DPP10: variants seen among roughly 807,000 people sequenced by gnomAD.
DPP10 encodes dipeptidyl peptidase like 10, also known as inactive dipeptidyl peptidase 10.
In DPP10, 33 loss-of-function variants were observed where a neutral mutation model predicts 120.9. The observed-to-expected ratio is 0.27, with a 90% CI of 0.21 to 0.37. DPP10 has a LOEUF of 0.37. Among genes scored for constraint, DPP10 ranks in the 10% least tolerant of loss-of-function variants. DPP10 has a pLI of 1.00. For synonymous variants in DPP10, 337 were observed against 326.1 expected (o/e 1.03, Z -0.36); for missense variants, 816 against 942.8 (o/e 0.87, Z 1.76).
chr2:115,504,421 C>G (rs557016581), intron 4 of DPP10, among the ~76,000 whole-genome samples: 1 of 151,798 alleles, frequency 6.6e-6, no homozygotes, highest in East Asian at 1.9e-4. Flanking sequence ...TCATCTTTTG[C>G]TTGGGCATGT....
intron 1 of DPP10, among the ~76,000 whole-genome samples, chr2:114,553,529 ACAT>A (rs1191273090): frequency 6.6e-6 from 1 of 152,242 alleles, no homozygotes; most frequent in African/African-American, 2.4e-5. Flanking sequence ...CTCTGAGTTT[ACAT>A]CAGGGGGATT....
At chr2:114,515,452 T>C (rs1246701127) in intron 1 of DPP10, among the ~76,000 whole-genome samples, 1 of 152,200 alleles carries the variant, frequency 6.6e-6, no homozygotes, top group Admixed American at 6.5e-5. Context: ...GACTTACAAA[T>C]AGAGCTTTTG....
chr2:115,229,470 T>C (rs758839442), intron 1 of DPP10, among the ~76,000 whole-genome samples: 1 of 152,186 alleles, frequency 6.6e-6, no homozygotes, highest in Non-Finnish European at 1.5e-5. Context: ...TCCTGATTCC[T>C]CAGTGGTTTT....
chr2:115,506,361 C>G (rs529741467), intron 4 of DPP10, among the ~76,000 whole-genome samples: 5 of 152,046 alleles, frequency 3.3e-5, no homozygotes, highest in Non-Finnish European at 7.4e-5. Flanking sequence ...AAAGCATTTT[C>G]CCTGTCTCCT....
At chr2:114,778,589 T>A (rs1681979188) in intron 1 of DPP10, among the ~76,000 whole-genome samples, 1 of 152,086 alleles carries the variant, frequency 6.6e-6, no homozygotes, top group African/African-American at 2.4e-5. Flanking sequence ...TCTAGAGTCT[T>A]GGAGTGTACC....
At chr2:114,956,906 C>T (rs979470375) in intron 1 of DPP10, among the ~76,000 whole-genome samples, 9 of 149,640 alleles carry the variant, frequency 6.0e-5, no homozygotes, top group Non-Finnish European at 1.0e-4. Flanking sequence ...AAGTTAGACC[C>T]TTTTCTCACA....
At position 115,502,585 on chromosome 2, in the gene DPP10, G is replaced by A. The variant is rs373881812; in HGVS notation, c.366+2981G>A. On this transcript the variant is annotated intron_variant, in intron 4 of 25. Coordinates refer to ENST00000410059, the MANE Select transcript of DPP10 (RefSeq NM_020868.6). ...ACCAGTGACCACGGCTGAAAATACC[G>A]GCAGCTATAAATTGTTTTATCAAAT... Among the ~76,000 whole-genome samples the A allele has an allele frequency of 1.9e-4, 29 of 152,240 alleles. 1 individual carries two copies. The South Asian group carries it at 3.3e-3, about 17-fold the overall frequency.
At chr2:114,852,979 G>A (rs1209898776) in intron 1 of DPP10, among the ~76,000 whole-genome samples, 2 of 152,180 alleles carry the variant, frequency 1.3e-5, no homozygotes, top group East Asian at 3.9e-4. Context: ...TGTGCAGGCT[G>A]TGTTTGATCA....
chr2:115,735,945 C>T (rs1676439756), intron 8 of DPP10, among the ~76,000 whole-genome samples: 1 of 152,080 alleles, frequency 6.6e-6, no homozygotes, highest in Non-Finnish European at 1.5e-5. Flanking sequence ...TCCTTGCCCT[C>T]CTTTGCACAG....
chr2:114,810,795 C>T (rs975185454), intron 1 of DPP10, among the ~76,000 whole-genome samples: 1 of 152,098 alleles, frequency 6.6e-6, no homozygotes, highest in African/African-American at 2.4e-5. Flanking sequence ...TTGGGTTTTC[C>T]TCTAAGACTC....
intron 5 of DPP10, among the ~76,000 whole-genome samples, chr2:115,662,124 T>C (rs544314715): frequency 1.6e-4 from 24 of 152,330 alleles, no homozygotes; most frequent in Admixed American, 4.6e-4. Context: ...AGTATTTTTC[T>C]TTGTGTGTTT....
At chr2:114,928,663 G>T (rs907974417) in intron 1 of DPP10, among the ~76,000 whole-genome samples, 2 of 152,026 alleles carry the variant, frequency 1.3e-5, no homozygotes, top group Non-Finnish European at 2.9e-5. Context: ...TCTTCCTGCA[G>T]CTATACTAGA....
At chr2:115,585,205 G>T (rs976377044) in intron 5 of DPP10, among the ~76,000 whole-genome samples, 1 of 152,158 alleles carries the variant, frequency 6.6e-6, no homozygotes, top group Non-Finnish European at 1.5e-5. Flanking sequence ...AGTCCCAAAA[G>T]TAGATGTGAG....
intron 5 of DPP10, among the ~76,000 whole-genome samples, chr2:115,658,981 C>G (rs182842053): frequency 5.8e-4 from 88 of 152,114 alleles, no homozygotes; most frequent in African/African-American, 1.6e-3. Context: ...AACTTAATCC[C>G]GAAGCACCAG....
chr2:115,458,927 G>T (rs551804319), intron 3 of DPP10, among the ~76,000 whole-genome samples: 4 of 152,060 alleles, frequency 2.6e-5, no homozygotes, highest in African/African-American at 9.6e-5. Flanking sequence ...TAATCACAAG[G>T]AATATTAACC....
At chr2:115,634,752 C>A (rs2086179983) in intron 5 of DPP10, among the ~76,000 whole-genome samples, 1 of 152,174 alleles carries the variant, frequency 6.6e-6, no homozygotes, top group Non-Finnish European at 1.5e-5. Context: ...GGAGGAGGTG[C>A]ACTGTGCTGG....
intron 1 of DPP10, among the ~76,000 whole-genome samples, chr2:115,307,858 G>A (rs1377276054): frequency 6.6e-6 from 1 of 152,208 alleles, no homozygotes; most frequent in Non-Finnish European, 1.5e-5. Context: ...ATTGATTTAC[G>A]TGGAAAATAT....
At chr2:114,688,047 T>A (rs891571847) in intron 1 of DPP10, among the ~76,000 whole-genome samples, 1 of 152,022 alleles carries the variant, frequency 6.6e-6, no homozygotes, top group Non-Finnish European at 1.5e-5. Flanking sequence ...CTTGTGCCAC[T>A]CTTTGTTCCT....
intron 1 of DPP10, among the ~76,000 whole-genome samples, chr2:115,198,892 A>G (rs1383047699): frequency 6.6e-6 from 1 of 152,184 alleles, no homozygotes; most frequent in Non-Finnish European, 1.5e-5. Context: ...CTTAATATGA[A>G]AAAGGATGGG....
Sources: gnomAD v4.1 joint callset for allele counts (sites outside exome capture counted in the v4.1 genomes callset) on GRCh38, gnomAD v4.1.1 for gene constraint, MANE v1.5 for transcripts, NCBI Gene and HGNC (gene_info 2026-07-23, HGNC 2026-07-21) for gene names.